Variants in UHRF1 observed in about 807,000 individuals in gnomAD.
UHRF1 encodes ubiquitin like with PHD and ring finger domains 1.
A neutral mutation model predicts 96.5 loss-of-function variants in UHRF1; 9 were observed. The observed-to-expected ratio is 0.09, with a 90% CI of 0.06 to 0.16. The LOEUF (loss-of-function observed/expected upper bound fraction) is 0.16. UHRF1 is among the 10% of genes least tolerant of loss of function. The probability of loss-of-function intolerance (pLI) is 1.00; values close to 1 mark genes in which losing one functional copy is unlikely to be tolerated. For synonymous variants in UHRF1, 455 were observed against 469.9 expected (o/e 0.97, Z 0.41); for missense variants, 626 against 1,131.1 (o/e 0.55, Z 6.40).
chr19:4,903,814 C>G (rs2032000411), intron 1 of UHRF1, among the ~76,000 whole-genome samples: 2 of 152,014 alleles, frequency 1.3e-5, no homozygotes, highest in Admixed American at 1.3e-4. Context: ...CATACACACT[C>G]ATTTTCATCT....
Position 4,954,259 on chromosome 19 carries a change from A to G in UHRF1, c.1819-91A>G. ...GATTGGGGGTCAGGTGTGTCTGGAA[A>G]CCCAGACCTGGCAAGGAGGCTGGAA... On this transcript the variant is annotated intron_variant, in intron 13 of 16. Transcript: ENST00000650932. This position sits in a 1 kb window ranked among gnomAD's most constrained non-coding sequence, Gnocchi z 5.9. 5.2e-6 allele frequency: 8 copies of G among 1,538,738 alleles called. No homozygotes were observed. The highest frequency in any genetic ancestry group is 7.0e-6 in the Non-Finnish European group (8 of 1,138,096).
rs766644657 is a variant in UHRF1, at chr19:4,930,727, C to T, written c.420C>T (p.Tyr140=). ...TELGLYKVNE[Y]VDARDTNMGA... is the part of the protein sequence containing the mutation. ...CTCATTCCTCACAGGTCAATGAGTACGTCGATGCTCGGGACACGAACATGG... is the reference window on the plus strand; with the variant it reads ...CTCATTCCTCACAGGTCAATGAGTATGTCGATGCTCGGGACACGAACATGG... The change falls in exon 4 of 17, where the codon TAC becomes TAT. Residue 140 remains tyrosine, a synonymous_variant. Coordinates refer to ENST00000650932, the MANE Select transcript of UHRF1 (RefSeq NM_001048201.3). This position sits in a 1 kb window ranked among gnomAD's most constrained non-coding sequence, Gnocchi z 4.4. 17 of 1,613,644 alleles carry T rather than the reference C, an allele frequency of 1.1e-5. No homozygotes were observed. The highest frequency in any genetic ancestry group is 8.0e-5 in the African/African-American group (6 of 74,920).
chr19:4,905,108 CTTTTT>C (rs61443004), upstream of UHRF1, among the ~76,000 whole-genome samples: 38 of 95,176 alleles, frequency 4.0e-4, no homozygotes, highest in African/African-American at 1.8e-3. Context: ...CGTAAACTTT[CTTTTT>C]TTTTTTTTTT....
chr19:4,932,956 G>A lies in UHRF1; in HGVS notation c.785G>A (p.Gly262Glu). The change falls in exon 5 of 17, where the codon GGG (glycine) becomes GAG (glutamate). Residue 262 changes from glycine to glutamate, a missense_variant and splice_region_variant. Coordinates refer to ENST00000650932, the MANE Select transcript of UHRF1 (RefSeq NM_001048201.3). ...ARELYANVVL[G>E]DDSLNDCRII... ...GAACTCTACGCCAACGTGGTGCTGGGGTGAGCCTCGCGTCCTGGGGCGAGC... is the reference window on the plus strand; with the variant it reads ...GAACTCTACGCCAACGTGGTGCTGGAGTGAGCCTCGCGTCCTGGGGCGAGC... The A allele has an allele frequency of 6.2e-7, 1 of 1,606,600 alleles. No homozygotes were observed. Among genetic ancestry groups the A allele is most frequent in the East Asian group, 2.2e-5 (1 of 44,560 alleles).
intron 5 of UHRF1, among the ~76,000 whole-genome samples, chr19:4,939,788 G>A (rs1160820305): frequency 6.6e-6 from 1 of 152,174 alleles, no homozygotes; most frequent in Non-Finnish European, 1.5e-5. Flanking sequence ...ACTTTGGGGG[G>A]CCGAGGTGGG....
chr19:4,930,625 TC>T lies in UHRF1; in HGVS notation c.409-89del, dbSNP rs2033017312. 2.0e-6 allele frequency: 3 copies of T among 1,470,618 alleles called. No individual in the cohort carries two copies. The highest frequency in any genetic ancestry group is 1.8e-6 in the Non-Finnish European group (2 of 1,083,638). 91.1% of individuals were successfully genotyped at this position (1,470,618 alleles called of 1,614,324 possible). The stretch of plus-strand genomic sequence containing the variant: ...TGGGCATTCGAGTTTGCGCCCTGGT[TC>T]CAGAGCATCCCAGTGTCCGAGAACC... On this transcript the variant is annotated intron_variant, in intron 3 of 16. Transcript: ENST00000650932. This position sits in a 1 kb window ranked among gnomAD's most constrained non-coding sequence, Gnocchi z 4.4.
At chr19:4,940,359 ATTT>A (rs543779456) in intron 5 of UHRF1, among the ~76,000 whole-genome samples, 3,410 of 66,806 alleles carry the variant, frequency 0.051, 131 homozygotes, top group African/African-American at 0.18. Flanking sequence ...TGCCTTTATG[ATTT>A]TTTTTTTTTT....
intron 5 of UHRF1, among the ~76,000 whole-genome samples, chr19:4,937,949 G>A (rs1181581610): frequency 1.3e-5 from 2 of 152,128 alleles, no homozygotes; most frequent in Non-Finnish European, 2.9e-5. Context: ...TTAGGAGTTT[G>A]AGAACAGCCT....
chr19:4,935,623 T>C (rs2033193992), intron 5 of UHRF1, among the ~76,000 whole-genome samples: 1 of 151,942 alleles, frequency 6.6e-6, no homozygotes, highest in African/African-American at 2.4e-5. Context: ...CCCCATGGGC[T>C]TCTCTGATGT....
chr19:4,917,077 G>C (rs1045965182), intron 2 of UHRF1, among the ~76,000 whole-genome samples: 1 of 151,540 alleles, frequency 6.6e-6, no homozygotes, highest in South Asian at 2.1e-4. Flanking sequence ...CGGTGGGGGG[G>C]GGGGGTGCAG....
At chr19:4,958,961 CAAAAAAA>C (rs750693594) in intron 16 of UHRF1, among the ~76,000 whole-genome samples, 1 of 89,342 alleles carries the variant, frequency 1.1e-5, no homozygotes, top group African/African-American at 3.9e-5. Flanking sequence ...GATTCTGTCT[CAAAAAAA>C]AAAAAAAAAA....
At chr19:4,939,119 T>A (rs1469910708) in intron 5 of UHRF1, among the ~76,000 whole-genome samples, 3 of 151,412 alleles carry the variant, frequency 2.0e-5, no homozygotes, top group Non-Finnish European at 4.4e-5. Flanking sequence ...GGTTTCACCA[T>A]GTTGGCCAGG....
chr19:4,918,329 C>A (rs2032591692), intron 2 of UHRF1, among the ~76,000 whole-genome samples: 2 of 151,862 alleles, frequency 1.3e-5, no homozygotes, highest in Admixed American at 6.6e-5. Flanking sequence ...ACCACGTTGG[C>A]CAGGTTGGTC....
intron 16 of UHRF1, among the ~76,000 whole-genome samples, chr19:4,958,720 C>G: frequency 6.6e-6 from 1 of 152,054 alleles, no homozygotes; most frequent in East Asian, 1.9e-4. Flanking sequence ...GCCTGTAATC[C>G]CAGCACTTGG....
chr19:4,925,777 C>T (rs1420681905), intron 2 of UHRF1, among the ~76,000 whole-genome samples: 1 of 152,198 alleles, frequency 6.6e-6, no homozygotes, highest in Non-Finnish European at 1.5e-5. Flanking sequence ...CCTCGTTGGC[C>T]TCCCAAAGTG....
intron 11 of UHRF1, among the ~76,000 whole-genome samples, chr19:4,949,184 C>A (rs551641188): frequency 6.6e-6 from 1 of 151,130 alleles, no homozygotes; most frequent in African/African-American, 2.4e-5. Flanking sequence ...TAATCAAATA[C>A]AAACTGAGGC....
At chr19:4,959,310 A>G (rs997244032) in intron 16 of UHRF1, among the ~76,000 whole-genome samples, 7 of 152,024 alleles carry the variant, frequency 4.6e-5, no homozygotes, top group Non-Finnish European at 8.8e-5. Flanking sequence ...AGCCTGGGCG[A>G]CAGAGCGAGA....
intron 16 of UHRF1, among the ~76,000 whole-genome samples, chr19:4,960,133 A>G (rs1318221587): frequency 4.6e-5 from 7 of 152,222 alleles, no homozygotes; most frequent in African/African-American, 1.7e-4. Context: ...GATTACAGGC[A>G]TGAGCCACGA....
intron 2 of UHRF1, among the ~76,000 whole-genome samples, chr19:4,912,872 G>C (rs182810467): frequency 5.3e-5 from 8 of 152,130 alleles, no homozygotes; most frequent in East Asian, 1.9e-4. Flanking sequence ...CAATCCTCCA[G>C]CCTCAGCCTC....
Sources: gnomAD v4.1 joint callset for allele counts (sites outside exome capture counted in the v4.1 genomes callset) on GRCh38, gnomAD v4.1.1 for gene constraint, Gnocchi (gnomAD v3.1) non-coding constraint, MANE v1.5 for transcripts, NCBI Gene and HGNC (gene_info 2026-07-23, HGNC 2026-07-21) for gene names.